Variants in PAPPA observed in about 807,000 individuals in gnomAD.
PAPPA encodes pappalysin 1, also known as pappalysin-1.
In PAPPA, 60 loss-of-function variants were observed where a neutral mutation model predicts 164.0. The ratio of observed to expected loss-of-function variants is 0.37; its 90% confidence interval spans 0.30 to 0.45. The LOEUF (loss-of-function observed/expected upper bound fraction) is 0.45. Among genes scored for constraint, PAPPA ranks in the 20% least tolerant of loss-of-function variants. The probability of loss-of-function intolerance (pLI) is 1.00; values close to 1 mark genes in which losing one functional copy is unlikely to be tolerated. For missense variants in PAPPA, 1,782 were observed against 2,087.3 expected, an observed-to-expected ratio of 0.85 and a Z score of 2.85; for synonymous variants, 875 against 814.1, an observed-to-expected ratio of 1.07 and a Z score of -1.27.
At chr9:116,377,432 G>C in intron 19 of PAPPA, 144 bp from the exon 20 acceptor site, 2 of 608,352 alleles carry the variant, frequency 3.3e-6, no homozygotes, top group South Asian at 4.1e-5. Context: ...CAAGTACCCG[G>C]GCAAGTTCTC....
intron 4 of PAPPA, among the ~76,000 whole-genome samples, chr9:116,215,503 A>G (rs1029358495): frequency 3.9e-5 from 6 of 152,198 alleles, no homozygotes; most frequent in Non-Finnish European, 7.3e-5. Flanking sequence ...AGAAAACCAA[A>G]CACCACATGT....
At chr9:116,298,498 G>A (rs763086460) in intron 9 of PAPPA, among the ~76,000 whole-genome samples, 23 of 152,312 alleles carry the variant, frequency 1.5e-4, no homozygotes, top group Admixed American at 2.6e-4. Context: ...GGAAGATGGC[G>A]TGGGATGGAG....
chr9:116,348,716 A>G (rs1024788552), intron 15 of PAPPA, among the ~76,000 whole-genome samples: 1 of 151,870 alleles, frequency 6.6e-6, no homozygotes, highest in Admixed American at 6.6e-5. Flanking sequence ...ATGTGTTCTC[A>G]TTATTTAGCT....
intron 6 of PAPPA, among the ~76,000 whole-genome samples, chr9:116,229,208 G>C (rs1844555185): frequency 6.6e-6 from 1 of 152,204 alleles, no homozygotes; most frequent in Non-Finnish European, 1.5e-5. Flanking sequence ...ATGTGAAAAA[G>C]TTTGGTATGT....
chr9:116,233,048 C>T (rs894517256), intron 6 of PAPPA, among the ~76,000 whole-genome samples: 1 of 152,190 alleles, frequency 6.6e-6, no homozygotes, highest in African/African-American at 2.4e-5. Context: ...GGAATGTTCA[C>T]CTGGCACCCA....
chr9:116,196,438 A>T (rs141910337), intron 2 of PAPPA, among the ~76,000 whole-genome samples: 1 of 152,208 alleles, frequency 6.6e-6, no homozygotes, highest in Non-Finnish European at 1.5e-5. Context: ...ACTTGGTCAG[A>T]TGCCCTTCCA....
chr9:116,354,746 G>A (rs144853563), intron 17 of PAPPA, among the ~76,000 whole-genome samples: 80 of 152,208 alleles, frequency 5.3e-4, no homozygotes, highest in African/African-American at 1.7e-3. Context: ...ATGCAGCTTC[G>A]TGATCATTTT....
At chr9:116,206,383 T>G (rs928317441) in intron 2 of PAPPA, among the ~76,000 whole-genome samples, 23 of 152,160 alleles carry the variant, frequency 1.5e-4, no homozygotes, top group Non-Finnish European at 7.4e-5. Context: ...GGTAGAGGTG[T>G]AGGTTTTCCA....
chr9:116,270,097 G>C, intron 8 of PAPPA, among the ~76,000 whole-genome samples: 1 of 152,180 alleles, frequency 6.6e-6, no homozygotes, highest in Non-Finnish European at 1.5e-5. Flanking sequence ...GGTCCCAGCT[G>C]GTCTCTGGGG....
At chr9:116,394,722 C>A (rs367765127) in intron 21 of PAPPA, among the ~76,000 whole-genome samples, 32 of 152,292 alleles carry the variant, frequency 2.1e-4, no homozygotes, top group African/African-American at 7.0e-4. Flanking sequence ...CAGAGAACAG[C>A]AAGTAGCTGT....
chr9:116,331,372 T>G lies in PAPPA; in HGVS notation c.3261+15T>G. ...TTTGGCTCCGGGTAAGCTGAAGCTC[T>G]GAGAGCTTTGGAATCTCCAGCAGCG... On this transcript the variant is annotated intron_variant, in intron 11 of 21. Transcript: ENST00000328252. The G allele has an allele frequency of 6.8e-7, 1 of 1,466,092 alleles. No homozygotes were observed. The highest frequency in any genetic ancestry group is 9.6e-7 in the Non-Finnish European group (1 of 1,044,950). The allele number at this position is 1,466,092 out of a possible 1,614,324, so 90.8% of individuals were successfully genotyped here. A position where few individuals can be genotyped will look rare whatever the true frequency, so the allele number is the denominator to read the frequency against.
rs201055309 is a variant in PAPPA at position 116,374,244 on chromosome 9, A to T, written c.4606-3332A>T. 3.0e-4 allele frequency among the ~76,000 whole-genome samples: 41 copies of T among 136,602 alleles called. 1 individual carries two copies. In the South Asian group the frequency reaches 9.5e-3, roughly 32 times the overall value. 89.6% of individuals were successfully genotyped at this position (136,602 alleles called of 152,430 possible). A position where few individuals can be genotyped will look rare whatever the true frequency, so the allele number is the denominator to read the frequency against. The stretch of plus-strand genomic sequence containing the variant: ...TGATGATGACAGTGATGATGATGGT[A>T]ATTGCAACCAGGAAGAAAAGATAGT... On this transcript the variant is annotated intron_variant, in intron 19 of 21. Coordinates refer to ENST00000328252, the MANE Select transcript of PAPPA (RefSeq NM_002581.5).
chr9:116,192,934 C>T (rs1006046641), intron 2 of PAPPA, among the ~76,000 whole-genome samples: 2 of 152,090 alleles, frequency 1.3e-5, no homozygotes, highest in Admixed American at 1.3e-4. Flanking sequence ...TGCAGCAAAC[C>T]AACCAAGTTC....
At chr9:116,220,201 G>A (rs989744935) in intron 5 of PAPPA, 72 bp downstream of exon 5, 44 of 1,230,242 alleles carry the variant, frequency 3.6e-5, no homozygotes, top group Admixed American at 5.8e-5. Context: ...TGGAAGGGAA[G>A]CAGACTTGGA....
At chr9:116,369,742 G>A (rs961028288) in intron 19 of PAPPA, among the ~76,000 whole-genome samples, 1 of 151,998 alleles carries the variant, frequency 6.6e-6, no homozygotes, top group African/African-American at 2.4e-5. Flanking sequence ...AAGCCTGCAA[G>A]CTGCCCCCCC....
At chr9:116,238,569 C>T (rs1844698852) in intron 7 of PAPPA, among the ~76,000 whole-genome samples, 1 of 152,222 alleles carries the variant, frequency 6.6e-6, no homozygotes, top group Non-Finnish European at 1.5e-5. Context: ...CTCCTACCCA[C>T]TTTGTAAAAG....
At chr9:116,164,388 C>G (rs140668000) in intron 1 of PAPPA, among the ~76,000 whole-genome samples, 2 of 152,322 alleles carry the variant, frequency 1.3e-5, no homozygotes, top group African/African-American at 4.8e-5. Flanking sequence ...TTATTTGCCA[C>G]AAACCCAGGG....
chr9:116,292,844 T>C (rs1301347627), intron 9 of PAPPA, among the ~76,000 whole-genome samples: 3 of 152,096 alleles, frequency 2.0e-5, no homozygotes, highest in Admixed American at 2.0e-4. Context: ...AACCCTGAAG[T>C]CTGGCAGCAT....
chr9:116,315,575 G>C (rs780134872), intron 10 of PAPPA, among the ~76,000 whole-genome samples: 3 of 152,210 alleles, frequency 2.0e-5, no homozygotes, highest in Non-Finnish European at 4.4e-5. Context: ...GTTTTTGCAG[G>C]AAAGATTGGG....
Sources: gnomAD v4.1 joint callset for allele counts (sites outside exome capture counted in the v4.1 genomes callset) on GRCh38, gnomAD v4.1.1 for gene constraint, MANE v1.5 for transcripts, NCBI Gene and HGNC (gene_info 2026-07-23, HGNC 2026-07-21) for gene names.